The following NRXN3 variants were observed in gnomAD, a reference collection of about 807,000 sequenced individuals.
NRXN3 encodes neurexin 3.
NRXN3 carries 32 observed loss-of-function variants against 137.6 expected under a neutral mutation model. The observed-to-expected ratio is 0.23, with a 90% CI of 0.18 to 0.31. The LOEUF is 0.31. NRXN3 is among the 10% of genes least tolerant of loss of function. NRXN3 has a pLI of 1.00. For missense variants in NRXN3, 1,574 were observed against 2,062.5 expected (o/e 0.76, Z 4.59); for synonymous variants, 798 against 784.5 (o/e 1.02, Z -0.29).
chr14:79,776,222 T>A (rs1433500056), intron 19 of NRXN3, among the ~76,000 whole-genome samples: 2 of 152,196 alleles, frequency 1.3e-5, no homozygotes, highest in African/African-American at 4.8e-5. Flanking sequence ...AATCATTTTG[T>A]GGTTATATTT....
intron 4 of NRXN3, among the ~76,000 whole-genome samples, chr14:78,496,204 TCAA>T (rs1336282473): frequency 1.5e-4 from 23 of 152,320 alleles, no homozygotes; most frequent in African/African-American, 5.5e-4. Context: ...CTTAGCTTCT[TCAA>T]CATTATACAG....
chr14:78,535,794 A>C (rs779928392), intron 4 of NRXN3, among the ~76,000 whole-genome samples: 2 of 152,232 alleles, frequency 1.3e-5, no homozygotes, highest in Non-Finnish European at 2.9e-5. Flanking sequence ...AATCATGCTT[A>C]ATATAGAACA....
At chr14:79,856,822 G>C (rs1258857716) in intron 20 of NRXN3, among the ~76,000 whole-genome samples, 3 of 152,016 alleles carry the variant, frequency 2.0e-5, no homozygotes, top group African/African-American at 7.3e-5. Context: ...AGCCTTCAGG[G>C]CTAAAATAGA....
chr14:79,274,064 T>C (rs1361807290), intron 15 of NRXN3, among the ~76,000 whole-genome samples: 1 of 145,972 alleles, frequency 6.9e-6, no homozygotes, highest in Non-Finnish European at 1.5e-5. Flanking sequence ...GATTACGCAC[T>C]GCACTCCAGT....
rs879468393 is a variant in NRXN3, at chr14:79,000,252, G to A, written c.3262+12111G>A. On this transcript the variant is annotated intron_variant, in intron 15 of 20. Coordinates refer to ENST00000335750, the MANE Select transcript of NRXN3 (RefSeq NM_001330195.2). ...CTTATGTGAGTGAAATCAAATGCAT[G>A]TATGTGCATACATATGTAATATAAA... is the stretch of plus-strand genomic sequence containing the variant. Among the ~76,000 whole-genome samples, 227 of 152,248 alleles carry A rather than the reference G, an allele frequency of 1.5e-3. 1 individual carries two copies. The highest frequency in any genetic ancestry group is 4.5e-3 in the African/African-American group (189 of 41,540).
chr14:79,033,525 T>C (rs1269136094), intron 15 of NRXN3, among the ~76,000 whole-genome samples: 1 of 152,136 alleles, frequency 6.6e-6, no homozygotes, highest in Non-Finnish European at 1.5e-5. Flanking sequence ...TCTGGAACGA[T>C]GAGTATCTGG....
chr14:78,532,375 T>TTGTGTGTG (rs56788209), intron 4 of NRXN3, among the ~76,000 whole-genome samples: 3,882 of 138,564 alleles, frequency 0.028, 110 homozygotes, highest in African/African-American at 0.064. Flanking sequence ...TGATGATATT[T>TTGTGTGTG]TGTGTGTGTG....
At chr14:78,893,661 A>T (rs539965072) in intron 10 of NRXN3, among the ~76,000 whole-genome samples, 1 of 152,094 alleles carries the variant, frequency 6.6e-6, no homozygotes, top group South Asian at 2.1e-4. Flanking sequence ...AGCATGTCTC[A>T]TCTAACACTC....
chr14:79,450,072 A>G (rs956589482), intron 15 of NRXN3, among the ~76,000 whole-genome samples: 2 of 148,042 alleles, frequency 1.4e-5, no homozygotes, highest in African/African-American at 2.5e-5. Flanking sequence ...ATGTATACAT[A>G]TTCTCTTTCT....
chr14:79,009,420 C>T (rs899878199), intron 15 of NRXN3, among the ~76,000 whole-genome samples: 3 of 152,120 alleles, frequency 2.0e-5, no homozygotes, highest in Admixed American at 6.6e-5. Flanking sequence ...TTGGTACTGA[C>T]GGTTGAGAGT....
At chr14:79,020,010 A>C (rs1266334223) in intron 15 of NRXN3, among the ~76,000 whole-genome samples, 5 of 152,156 alleles carry the variant, frequency 3.3e-5, no homozygotes, top group Non-Finnish European at 7.4e-5. Flanking sequence ...TGAAGAAGGC[A>C]GGAACTGATG....
chr14:78,987,923 A>C (rs766685258), intron 14 of NRXN3, 99 bp from the exon 15 acceptor site: 302 of 1,346,524 alleles, frequency 2.2e-4, no homozygotes, highest in Admixed American at 1.3e-3. Context: ...GTTTGGGGGC[A>C]TGAGAATGGT....
intron 19 of NRXN3, among the ~76,000 whole-genome samples, chr14:79,765,054 G>A (rs1199972151): frequency 6.6e-6 from 1 of 152,064 alleles, no homozygotes; most frequent in Non-Finnish European, 1.5e-5. Flanking sequence ...GCACATTCAT[G>A]CACACCACAC....
chr14:79,363,016 T>G (rs1297673300), intron 15 of NRXN3, among the ~76,000 whole-genome samples: 1 of 152,008 alleles, frequency 6.6e-6, no homozygotes, highest in Non-Finnish European at 1.5e-5. Context: ...TTTTTTTTTT[T>G]TTTTTGAGTC....
At chr14:78,710,971 A>C (rs914487827) in intron 7 of NRXN3, among the ~76,000 whole-genome samples, 9 of 152,220 alleles carry the variant, frequency 5.9e-5, no homozygotes, top group African/African-American at 1.2e-4. Context: ...AAAAACACCC[A>C]AAAAATTAAT....
chr14:79,023,020 G>A (rs1441479015), intron 15 of NRXN3, among the ~76,000 whole-genome samples: 1 of 151,900 alleles, frequency 6.6e-6, no homozygotes, highest in Non-Finnish European at 1.5e-5. Context: ...GTATTTCTGG[G>A]CACCTCTCCT....
chr14:78,530,678 A>T (rs2096448806), intron 4 of NRXN3, among the ~76,000 whole-genome samples: 1 of 152,220 alleles, frequency 6.6e-6, no homozygotes, highest in South Asian at 2.1e-4. Context: ...GCTGGGTCAT[A>T]CTATTGCCAG....
intron 4 of NRXN3, among the ~76,000 whole-genome samples, chr14:78,558,980 A>G (rs1032171672): frequency 1.3e-5 from 2 of 152,216 alleles, no homozygotes; most frequent in African/African-American, 2.4e-5. Flanking sequence ...AATTTGGCTC[A>G]GACACATATC....
intron 10 of NRXN3, among the ~76,000 whole-genome samples, chr14:78,844,285 C>G (rs2099020617): frequency 6.6e-6 from 1 of 152,114 alleles, no homozygotes; most frequent in African/African-American, 2.4e-5. Context: ...TAAGCACCTT[C>G]TCTCCAGATG....
Sources: gnomAD v4.1 joint callset for allele counts (sites outside exome capture counted in the v4.1 genomes callset) on GRCh38, gnomAD v4.1.1 for gene constraint, MANE v1.5 for transcripts, NCBI Gene and HGNC (gene_info 2026-07-23, HGNC 2026-07-21) for gene names.